Variants in SH3RF2 observed in about 807,000 individuals in gnomAD.
The protein encoded by SH3RF2 is E3 ubiquitin-protein ligase SH3RF2.
Under a neutral mutation model 59.0 loss-of-function variants are expected in SH3RF2, and 43 were observed. The ratio of observed to expected loss-of-function variants is 0.73; its 90% CI spans 0.57 to 0.94. SH3RF2 has a LOEUF of 0.94. SH3RF2 is among the 40% of genes least tolerant of loss of function. The pLI, the probability that SH3RF2 is intolerant of heterozygous loss-of-function variation, is 0.00. For synonymous variants in SH3RF2, 391 were observed against 391.5 expected, an observed-to-expected ratio of 1.00 and a Z score of 0.01; for missense variants, 930 against 940.1, an observed-to-expected ratio of 0.99 and a Z score of 0.14.
intron 2 of SH3RF2, among the ~76,000 whole-genome samples, chr5:145,979,201 C>A (rs1378905820): frequency 6.6e-6 from 1 of 152,168 alleles, no homozygotes; most frequent in Non-Finnish European, 1.5e-5. Flanking sequence ...GGGGAACTGG[C>A]TAGAAACACA....
intron 1 of SH3RF2, chr5:145,937,237 A>C (rs1012632254): frequency 6.6e-6 from 1 of 152,162 alleles, no homozygotes; most frequent in African/African-American, 2.4e-5. Flanking sequence ...TGGTTAAGGC[A>C]AAACAATTTT....
chr5:146,056,158 C>G lies in SH3RF2; in HGVS notation c.1500C>G (p.Gly500=). The change falls in exon 8 of 10, where the codon GGC becomes GGG. Residue 500 remains glycine, a synonymous_variant. Coordinates refer to ENST00000359120, the MANE Select transcript of SH3RF2 (RefSeq NM_152550.4). ...TCAACCCCGTGAGAAGCACAGCCGGCCCTGGGACTTTAGGACAAGGGTCTC... is the reference window on the plus strand; with the variant it reads ...TCAACCCCGTGAGAAGCACAGCCGGGCCTGGGACTTTAGGACAAGGGTCTC... The part of the protein sequence containing the change: ...AIVNPVRSTA[G]PGTLGQGSLR... The G allele has an allele frequency of 6.2e-7, 1 of 1,614,172 alleles. No individual in the cohort carries two copies. Among genetic ancestry groups the G allele is most frequent in the East Asian group, 2.2e-5 (1 of 44,876 alleles).
At chr5:146,043,521 C>T (rs1419857567) in intron 5 of SH3RF2, among the ~76,000 whole-genome samples, 1 of 152,172 alleles carries the variant, frequency 6.6e-6, no homozygotes, top group Non-Finnish European at 1.5e-5. Flanking sequence ...TTTGAGTATA[C>T]AGTTCAAAAA....
chr5:145,954,263 G>A (rs1758306697), intron 2 of SH3RF2, among the ~76,000 whole-genome samples: 1 of 152,218 alleles, frequency 6.6e-6, no homozygotes, highest in Non-Finnish European at 1.5e-5. Context: ...ACTAGTGTGA[G>A]ATGGTATCTC....
chr5:145,994,075 T>C (rs1245250582), intron 2 of SH3RF2, among the ~76,000 whole-genome samples: 1 of 152,174 alleles, frequency 6.6e-6, no homozygotes, highest in African/African-American at 2.4e-5. Flanking sequence ...CTCTCTCAAC[T>C]TCGAAGTTCT....
In SH3RF2 at chr5:146,051,996, T is replaced by C. The variant is rs575972331; in HGVS notation, c.1322+2751T>C. 8.5e-5 allele frequency among the ~76,000 whole-genome samples: 13 copies of C among 152,192 alleles called. No homozygotes were observed. In the South Asian group the frequency reaches 2.7e-3, roughly 32 times the overall value. On this transcript the variant is annotated intron_variant, in intron 7 of 9. Transcript: ENST00000359120. The stretch of plus-strand genomic sequence containing the variant: ...CAAAGCTGGGAAGTATTGAGGAGTG[T>C]GGGAAATGGCCTAGAACTGACAGTG...
At chr5:146,004,767 A>G (rs994102287) in intron 4 of SH3RF2, among the ~76,000 whole-genome samples, 1 of 152,136 alleles carries the variant, frequency 6.6e-6, no homozygotes, top group Admixed American at 6.5e-5. Context: ...GGAAAGATTT[A>G]TGATTCATTG....
intron 2 of SH3RF2, among the ~76,000 whole-genome samples, chr5:145,965,108 G>C (rs1758808612): frequency 6.6e-6 from 1 of 151,980 alleles, no homozygotes; most frequent in African/African-American, 2.4e-5. Flanking sequence ...CAGGAGAATT[G>C]CTTGAACCCA....
chr5:146,048,776 T>C (rs2150014757), intron 6 of SH3RF2, among the ~76,000 whole-genome samples: 2 of 152,272 alleles, frequency 1.3e-5, no homozygotes, highest in South Asian at 4.1e-4. Flanking sequence ...TGACTCATAC[T>C]TGGATATTAC....
intron 2 of SH3RF2, among the ~76,000 whole-genome samples, chr5:145,976,448 A>T (rs570778170): frequency 6.6e-6 from 1 of 152,054 alleles, no homozygotes; most frequent in East Asian, 1.9e-4. Context: ...AGAAGGAAAA[A>T]AAAAAAAAGG....
rs753470880 is a variant in SH3RF2, at chr5:146,060,006, G to A, written c.1696G>A (p.Val566Met). 1.4e-5 allele frequency: 23 copies of A among 1,601,392 alleles called. No individual in the cohort carries two copies. The East Asian group carries it at 1.6e-4, about 11-fold the overall frequency. Residue 566 changes from valine (V) to methionine (M), a missense_variant, in exon 9 of 10, where the codon GTG becomes ATG. Coordinates refer to ENST00000359120, the MANE Select transcript of SH3RF2 (RefSeq NM_152550.4). ...GGGGATCCCCTCCTCCCCCTCAGCC[G>A]TGGTGGTGGAGATGGGGTCCAAGCC... is the stretch of plus-strand genomic sequence containing the variant. ...PQGIPSSPSA[V>M]VVEMGSKPAL...
At position 146,051,866 on chromosome 5, in the gene SH3RF2, C is replaced by T. The variant is rs578071942; in HGVS notation, c.1322+2621C>T. On this transcript the variant is annotated intron_variant, in intron 7 of 9. Coordinates refer to ENST00000359120, the MANE Select transcript of SH3RF2 (RefSeq NM_152550.4). ...ATGAGTTGTATCCAGAGAATGACAACGAGCCAGAAGCTGAAATCTTCAAGG... is the reference window on the plus strand; with the variant it reads ...ATGAGTTGTATCCAGAGAATGACAATGAGCCAGAAGCTGAAATCTTCAAGG... Among the ~76,000 whole-genome samples, 10 of 152,246 alleles carry T rather than the reference C, an allele frequency of 6.6e-5. No homozygotes were observed. In the East Asian group the frequency reaches 7.7e-4, roughly 12 times the overall value.
At position 146,021,550 on chromosome 5, in the gene SH3RF2, G is replaced by A. The variant is rs1761316643; in HGVS notation, c.1059+7489G>A. The stretch of plus-strand genomic sequence containing the variant: ...CTGCCCCCATAGTGCCTTTTATAGG[G>A]CCTACTGAGTGTCTGAAATGTGTTT... On this transcript the variant is annotated intron_variant, in intron 5 of 9. Transcript: ENST00000359120. Among the ~76,000 whole-genome samples, 4 of 152,208 alleles carry A rather than the reference G, an allele frequency of 2.6e-5. No homozygotes were observed. The South Asian group carries it at 8.3e-4, about 32-fold the overall frequency.
At chr5:146,046,556 T>G (rs779637669) in intron 5 of SH3RF2, among the ~76,000 whole-genome samples, 5 of 152,190 alleles carry the variant, frequency 3.3e-5, no homozygotes, top group Non-Finnish European at 5.9e-5. Flanking sequence ...ACCTTTTCAT[T>G]CATTCCTTCA....
chr5:146,024,809 AT>A (rs924789402), intron 5 of SH3RF2, among the ~76,000 whole-genome samples: 5 of 152,102 alleles, frequency 3.3e-5, no homozygotes, highest in East Asian at 3.9e-4. Flanking sequence ...GAAAAAGACT[AT>A]TTTTTCCCAT....
At chr5:146,052,066 C>T (rs1762519877) in intron 7 of SH3RF2, among the ~76,000 whole-genome samples, 1 of 152,100 alleles carries the variant, frequency 6.6e-6, no homozygotes, top group South Asian at 2.1e-4. Flanking sequence ...CGGTTTCTTC[C>T]ATGGCTTTAA....
chr5:146,069,982 GA>G (rs11430700), intron 9 of SH3RF2, among the ~76,000 whole-genome samples: 27 of 143,278 alleles, frequency 1.9e-4, no homozygotes, highest in Admixed American at 4.1e-4. Context: ...AATGGAAACT[GA>G]AAAAAAAAAA....
chr5:145,989,702 G>C (rs779397058), intron 2 of SH3RF2, among the ~76,000 whole-genome samples: 3 of 152,204 alleles, frequency 2.0e-5, no homozygotes, highest in Non-Finnish European at 4.4e-5. Context: ...GCGAGGAGTA[G>C]AGAGAACCAG....
At chr5:145,950,839 T>G (rs538816925) in intron 2 of SH3RF2, among the ~76,000 whole-genome samples, 2 of 152,328 alleles carry the variant, frequency 1.3e-5, no homozygotes, top group African/African-American at 4.8e-5. Flanking sequence ...AAATAGTTCA[T>G]TGTAGGTGAG....
Sources: allele counts gnomAD v4.1 joint callset (sites outside exome capture counted in the v4.1 genomes callset), GRCh38; gene constraint gnomAD v4.1.1; transcripts MANE v1.5; gene names NCBI Gene and HGNC (gene_info 2026-07-23, HGNC 2026-07-21).